The following CALN1 variants were observed in gnomAD, a reference collection of about 807,000 sequenced individuals.
The protein encoded by CALN1 is calcium-binding protein 8.
In CALN1, 17 loss-of-function variants were observed where a neutral mutation model predicts 30.6. The observed-to-expected ratio is 0.56, with a 90% confidence interval of 0.38 to 0.83. The LOEUF is 0.83. CALN1 is among the 40% of genes least tolerant of loss of function. CALN1 has a pLI of 0.00. For synonymous variants in CALN1, 156 were observed against 131.4 expected, an observed-to-expected ratio of 1.19 and a Z score of -1.28; for missense variants, 291 against 354.9, an observed-to-expected ratio of 0.82 and a Z score of 1.45.
intron 4 of CALN1, among the ~76,000 whole-genome samples, chr7:72,054,533 A>G (rs907842828): frequency 7.5e-5 from 7 of 92,782 alleles, no homozygotes; most frequent in Non-Finnish European, 1.5e-4. Context: ...ATATACATAC[A>G]TATATATATA....
At chr7:71,920,703 TGTA>T (rs535485290) in intron 5 of CALN1, among the ~76,000 whole-genome samples, 23 of 152,276 alleles carry the variant, frequency 1.5e-4, no homozygotes, top group Middle Eastern at 3.4e-3. Flanking sequence ...TTTCTCCATG[TGTA>T]GTTTTATTGA....
intron 4 of CALN1, among the ~76,000 whole-genome samples, chr7:72,056,152 T>C (rs1466904341): frequency 6.6e-6 from 1 of 151,816 alleles, no homozygotes; most frequent in African/African-American, 2.4e-5. Flanking sequence ...TCTAACAATT[T>C]TATACTTCTT....
At chr7:72,486,784 C>T in the CALN1 span, among the ~76,000 whole-genome samples, 24 of 152,248 alleles carry the variant, frequency 1.6e-4, no homozygotes, top group African/African-American at 5.5e-4. Flanking sequence ...TTTATATTTT[C>T]TCCAATTTCT....
At chr7:72,482,237 C>T in the CALN1 span, among the ~76,000 whole-genome samples, 1 of 152,066 alleles carries the variant, frequency 6.6e-6, no homozygotes, top group African/African-American at 2.4e-5. Flanking sequence ...TTGCTTCTGA[C>T]CCATTTGGAT....
intron 2 of CALN1, among the ~76,000 whole-genome samples, chr7:72,401,836 A>T (rs1250467167): frequency 1.3e-5 from 2 of 152,200 alleles, no homozygotes; most frequent in Non-Finnish European, 2.9e-5. Context: ...AGCTTTCTGT[A>T]AGGCAGCCCT....
At chr7:72,184,585 C>T (rs1490898473) in intron 3 of CALN1, among the ~76,000 whole-genome samples, 2 of 152,112 alleles carry the variant, frequency 1.3e-5, no homozygotes, top group Non-Finnish European at 2.9e-5. Context: ...CATCCTCTGT[C>T]GTAGCTGGAA....
intron 5 of CALN1, among the ~76,000 whole-genome samples, chr7:71,907,781 C>T (rs917858889): frequency 3.3e-5 from 5 of 152,182 alleles, no homozygotes; most frequent in African/African-American, 1.2e-4. Context: ...AATTCAATTC[C>T]CATTACGCAG....
chr7:72,255,489 ACTGCAAC>A (rs1261972406), intron 3 of CALN1, among the ~76,000 whole-genome samples: 2 of 151,478 alleles, frequency 1.3e-5, no homozygotes, highest in Non-Finnish European at 2.9e-5. Context: ...ATCTCGGCTC[ACTGCAAC>A]CTCTGCTTCC....
chr7:71,843,940 G>A (rs766453241), intron 5 of CALN1, among the ~76,000 whole-genome samples: 2 of 151,990 alleles, frequency 1.3e-5, no homozygotes, highest in African/African-American at 4.8e-5. Flanking sequence ...GAGAGGAAGT[G>A]GGGTAACAGC....
chr7:72,375,065 T>C (rs1256193193), intron 2 of CALN1, among the ~76,000 whole-genome samples: 1 of 152,214 alleles, frequency 6.6e-6, no homozygotes, highest in Non-Finnish European at 1.5e-5. Flanking sequence ...AGATTGTCTT[T>C]ATTTACAGAT....
chr7:72,317,076 C>G (rs9647950), intron 2 of CALN1, among the ~76,000 whole-genome samples: 46,615 of 90,446 alleles, frequency 0.52, 9,719 homozygotes, highest in Middle Eastern at 0.65. Flanking sequence ...AAGAGAGACA[C>G]AGAAAGAGAG....
At chr7:71,798,901 G>A (rs1041911544) in intron 6 of CALN1, among the ~76,000 whole-genome samples, 4 of 152,120 alleles carry the variant, frequency 2.6e-5, no homozygotes, top group Non-Finnish European at 2.9e-5. Context: ...TGGGATTACA[G>A]GCATGAGCCA....
chr7:72,412,626 C>T (rs1807258237), upstream of CALN1, among the ~76,000 whole-genome samples: 3 of 152,236 alleles, frequency 2.0e-5, no homozygotes, highest in East Asian at 1.9e-4. Flanking sequence ...CTCTCACACC[C>T]AGGGGCCACT....
chr7:72,293,193 A>T (rs922636719), intron 2 of CALN1, among the ~76,000 whole-genome samples: 19 of 152,210 alleles, frequency 1.2e-4, no homozygotes, highest in Admixed American at 9.2e-4. Context: ...TGGAAAAGCC[A>T]AACAGAGATA....
At position 72,295,988 on chromosome 7, in the gene CALN1, T is replaced by C. The variant is rs1221342710; in HGVS notation, c.120-17178A>G. ...CAGTTTTTGCCCATTCAGTATGATA[T>C]TGGCTGTGGGTTTGTCATAGATAGC... On this transcript the variant is annotated intron_variant, in intron 2 of 6. Coordinates refer to ENST00000395275, the MANE Select transcript of CALN1 (RefSeq NM_031468.4). 1.4e-4 allele frequency among the ~76,000 whole-genome samples: 22 copies of C among 151,960 alleles called. 1 individual carries two copies. Among genetic ancestry groups the C allele is most frequent in the African/African-American group, 4.1e-4 (17 of 41,448 alleles).
intron 3 of CALN1, among the ~76,000 whole-genome samples, chr7:72,174,721 G>A (rs1789215273): frequency 6.6e-6 from 1 of 152,176 alleles, no homozygotes; most frequent in South Asian, 2.1e-4. Context: ...GTGATAGAAT[G>A]CAGATCAGTT....
chr7:72,096,388 A>T (rs1468739420), intron 4 of CALN1, among the ~76,000 whole-genome samples: 1 of 152,210 alleles, frequency 6.6e-6, no homozygotes, highest in Non-Finnish European at 1.5e-5. Flanking sequence ...GCTCCTGCAA[A>T]TATCCACAAG....
chr7:72,415,422 C>T (rs1164954011), upstream of CALN1, among the ~76,000 whole-genome samples: 1 of 152,266 alleles, frequency 6.6e-6, no homozygotes, highest in Non-Finnish European at 1.5e-5. Context: ...GTAGCCACGA[C>T]TCATCACCCA....
chr7:71,801,412 G>GTATC (rs1212649767), intron 6 of CALN1, among the ~76,000 whole-genome samples: 112 of 129,340 alleles, frequency 8.7e-4, no homozygotes, highest in South Asian at 1.3e-3. Context: ...ATGTATGTAT[G>GTATC]TATGTATGTA....
Sources: gnomAD v4.1 joint callset for allele counts (sites outside exome capture counted in the v4.1 genomes callset) on GRCh38, gnomAD v4.1.1 for gene constraint, MANE v1.5 for transcripts, NCBI Gene and HGNC (gene_info 2026-07-23, HGNC 2026-07-21) for gene names.